TAFA5: variants seen among roughly 807,000 people sequenced by gnomAD.
TAFA5 encodes chemokine-like protein TAFA-5.
Under a neutral mutation model 15.3 loss-of-function variants are expected in TAFA5, and 6 were observed. That is an observed-to-expected ratio of 0.39 (90% confidence interval 0.21 to 0.77). TAFA5 has a LOEUF of 0.77. TAFA5 is among the 30% of genes least tolerant of loss of function. The probability of loss-of-function intolerance (pLI) is 0.41; values close to 1 mark genes in which losing one functional copy is unlikely to be tolerated. For synonymous variants in TAFA5, 103 were observed against 80.7 expected (o/e 1.28, Z -1.48); for missense variants, 161 against 193.1 (o/e 0.83, Z 0.98).
intron 2 of TAFA5, among the ~76,000 whole-genome samples, chr22:48,664,157 T>C (rs9617417): frequency 0.24 from 36,654 of 152,132 alleles, 4,880 homozygotes; most frequent in African/African-American, 0.33. Context: ...ATGGAATACA[T>C]GAACAGAAAT....
chr22:48,746,009 AC>A (rs1401410987), intron 3 of TAFA5, among the ~76,000 whole-genome samples: 1 of 152,124 alleles, frequency 6.6e-6, no homozygotes, highest in Non-Finnish European at 1.5e-5. Context: ...AGCTGCACAC[AC>A]AGGATGCAGC....
intron 1 of TAFA5, among the ~76,000 whole-genome samples, chr22:48,538,562 T>C (rs1922251198): frequency 6.6e-6 from 1 of 152,248 alleles, no homozygotes; most frequent in East Asian, 1.9e-4. Flanking sequence ...GCAGTCCAGC[T>C]TCTGTGGCCC....
At chr22:48,650,198 G>T (rs1927003307) in intron 2 of TAFA5, among the ~76,000 whole-genome samples, 1 of 152,212 alleles carries the variant, frequency 6.6e-6, no homozygotes, top group South Asian at 2.1e-4. Context: ...TGTGAGTAGG[G>T]TTGAAATCGG....
At chr22:48,523,387 T>C (rs1026709243) in intron 1 of TAFA5, among the ~76,000 whole-genome samples, 5 of 152,248 alleles carry the variant, frequency 3.3e-5, no homozygotes, top group Admixed American at 2.0e-4. Context: ...TGGGCCCTCC[T>C]GTGTGGCCGG....
chr22:48,510,729 C>CTCAG (rs2147101211), intron 1 of TAFA5, among the ~76,000 whole-genome samples: 1 of 152,322 alleles, frequency 6.6e-6, no homozygotes, highest in South Asian at 2.1e-4. Flanking sequence ...GCTCCCTGTG[C>CTCAG]TCTGAGCTCC....
chr22:48,492,665 C>A (rs777381798), intron 1 of TAFA5, among the ~76,000 whole-genome samples: 1 of 152,140 alleles, frequency 6.6e-6, no homozygotes, highest in Non-Finnish European at 1.5e-5. Flanking sequence ...GAGACGCAAA[C>A]AGGGGAAAGG....
At chr22:48,694,426 C>T (rs1036174640) in intron 2 of TAFA5, among the ~76,000 whole-genome samples, 4 of 152,144 alleles carry the variant, frequency 2.6e-5, no homozygotes, top group African/African-American at 4.8e-5. Flanking sequence ...TCTGACGTTT[C>T]GAGTGGGGCC....
chr22:48,656,785 G>C (rs1452725014), intron 2 of TAFA5, among the ~76,000 whole-genome samples: 2 of 90,122 alleles, frequency 2.2e-5, no homozygotes, highest in African/African-American at 8.6e-5. Flanking sequence ...TTTTTTTGAA[G>C]ATGGAGTCTC....
chr22:48,591,098 C>T (rs537925778), intron 1 of TAFA5, among the ~76,000 whole-genome samples: 2 of 152,270 alleles, frequency 1.3e-5, no homozygotes, highest in South Asian at 2.1e-4. Flanking sequence ...GTGATCCGCC[C>T]GCCTCGGCCT....
intron 1 of TAFA5, chr22:48,544,397 C>G (rs918015492): frequency 2.9e-5 from 10 of 346,256 alleles, no homozygotes; most frequent in Admixed American, 1.9e-4. Context: ...TCTGTCCCCA[C>G]TCCACGGCCA....
At chr22:48,491,497 A>G (rs1928153718) in intron 1 of TAFA5, among the ~76,000 whole-genome samples, 1 of 152,144 alleles carries the variant, frequency 6.6e-6, no homozygotes, top group Non-Finnish European at 1.5e-5. Flanking sequence ...ACCCAGGACA[A>G]CACCTCACCC....
intron 1 of TAFA5, among the ~76,000 whole-genome samples, chr22:48,620,294 T>G (rs549560096): frequency 2.0e-4 from 30 of 152,178 alleles, no homozygotes; most frequent in African/African-American, 5.8e-4. Context: ...ATCTCCCGCC[T>G]CTTCCTCAGG....
At chr22:48,537,857 G>C (rs1315755945) in intron 1 of TAFA5, among the ~76,000 whole-genome samples, 14 of 152,240 alleles carry the variant, frequency 9.2e-5, no homozygotes. Context: ...GTTTCCTGAG[G>C]CCTCTCTGGC....
At position 48,517,540 on chromosome 22, in the gene TAFA5, G is replaced by A. The variant is rs1045449902; in HGVS notation, c.112+27836G>A. Among the ~76,000 whole-genome samples, 8 of 152,284 alleles carry A rather than the reference G, an allele frequency of 5.3e-5. No individual in the cohort carries two copies. The East Asian group carries it at 7.7e-4, about 15-fold the overall frequency. On this transcript the variant is annotated intron_variant, in intron 1 of 3. Transcript: ENST00000402357. ...CAGGAGCAAGCTGTGACCTGGCCCC[G>A]GGCTGTGGAGCCCATGCTACTCTCC...
chr22:48,703,013 G>A (rs887496383), intron 2 of TAFA5, among the ~76,000 whole-genome samples: 6 of 152,388 alleles, frequency 3.9e-5, no homozygotes, highest in Admixed American at 6.5e-5. Flanking sequence ...GAGAGCAGGC[G>A]AGAGTGTACA....
chr22:48,538,070 C>T (rs1040396158), intron 1 of TAFA5, among the ~76,000 whole-genome samples: 1 of 152,154 alleles, frequency 6.6e-6, no homozygotes, highest in Non-Finnish European at 1.5e-5. Flanking sequence ...GGTTTTAGGC[C>T]GAGTGGCCTG....
intron 1 of TAFA5, among the ~76,000 whole-genome samples, chr22:48,584,928 C>A (rs545738602): frequency 6.8e-6 from 1 of 147,474 alleles, no homozygotes; most frequent in South Asian, 2.2e-4. Flanking sequence ...CACACACACA[C>A]AAAATACACT....
chr22:48,747,894 C>CT (rs1247171163), intron 3 of TAFA5, among the ~76,000 whole-genome samples: 9 of 65,968 alleles, frequency 1.4e-4, no homozygotes, highest in African/African-American at 7.7e-4. Context: ...AAGACTCTGT[C>CT]TAAAAAAAAA....
chr22:48,677,440 G>A (rs1928011572), intron 2 of TAFA5, among the ~76,000 whole-genome samples: 1 of 152,246 alleles, frequency 6.6e-6, no homozygotes, highest in Non-Finnish European at 1.5e-5. Context: ...TATCCAGGCT[G>A]TAGTGACCTT....
Sources: allele counts gnomAD v4.1 joint callset (sites outside exome capture counted in the v4.1 genomes callset), GRCh38; gene constraint gnomAD v4.1.1; transcripts MANE v1.5; gene names NCBI Gene and HGNC (gene_info 2026-07-23, HGNC 2026-07-21).